Variants in ACAD10 observed in about 807,000 individuals in gnomAD.
The protein encoded by ACAD10 is acyl-CoA dehydrogenase family member 10, also known as ACAD-10.
ACAD10 carries 112 observed loss-of-function variants against 116.8 expected under a neutral mutation model. That is an observed-to-expected ratio of 0.96 (90% CI 0.82 to 1.12). ACAD10 has a LOEUF of 1.12. Among genes scored for constraint, ACAD10 ranks in the 50% most tolerant of loss-of-function variants. The pLI is 0.00. For synonymous variants in ACAD10, 486 were observed against 510.6 expected (o/e 0.95, Z 0.65); for missense variants, 1,259 against 1,350.2 (o/e 0.93, Z 1.06).
chr12:111,748,740 C>T, intron 17 of ACAD10: 1 of 563,698 alleles, frequency 1.8e-6, no homozygotes, highest in Non-Finnish European at 3.1e-6. Context: ...CCATACAGGG[C>T]AGACGCAGGA....
intron 8 of ACAD10, among the ~76,000 whole-genome samples, chr12:111,725,350 C>T (rs1400130112): frequency 2.0e-5 from 3 of 151,892 alleles, no homozygotes; most frequent in Admixed American, 6.6e-5. Context: ...TCTACAAAAA[C>T]AAACAAAAAA....
chr12:111,699,470 G>T (rs538707600), intron 2 of ACAD10, among the ~76,000 whole-genome samples: 43 of 152,160 alleles, frequency 2.8e-4, no homozygotes, highest in African/African-American at 1.0e-3. Flanking sequence ...GCCCGTGTGT[G>T]TTGGGGGTGG....
At chr12:111,714,648 G>A (rs1339896716) in intron 6 of ACAD10, among the ~76,000 whole-genome samples, 1 of 151,878 alleles carries the variant, frequency 6.6e-6, no homozygotes, top group African/African-American at 2.4e-5. Context: ...GACGACAGAG[G>A]GAGAGTCCAT....
intron 8 of ACAD10, among the ~76,000 whole-genome samples, chr12:111,724,893 G>A (rs1889169740): frequency 6.6e-6 from 1 of 151,616 alleles, no homozygotes; most frequent in African/African-American, 2.4e-5. Flanking sequence ...GAAAGAGAGG[G>A]AGAGGGAGAC....
chr12:111,688,841 C>T (rs1183690327), intron 1 of ACAD10, among the ~76,000 whole-genome samples: 2 of 151,820 alleles, frequency 1.3e-5, no homozygotes. Flanking sequence ...AAGTGCAGCT[C>T]GCTGCCAGCA....
intron 18 of ACAD10, 101 bp downstream of exon 18, chr12:111,749,446 A>G: frequency 7.2e-7 from 1 of 1,397,278 alleles, no homozygotes; most frequent in Non-Finnish European, 9.5e-7. Flanking sequence ...CAGTCCTAGC[A>G]GGTGAAGCAA....
chr12:111,745,102 C>T, intron 13 of ACAD10, 59 bp downstream of exon 13: 1 of 1,535,860 alleles, frequency 6.5e-7, no homozygotes, highest in Non-Finnish European at 8.7e-7. Context: ...CTCCCCGACC[C>T]CACCGGGCTC....
At chr12:111,740,657 T>G (rs756355661) in intron 12 of ACAD10, among the ~76,000 whole-genome samples, 8 of 149,900 alleles carry the variant, frequency 5.3e-5, no homozygotes, top group Non-Finnish European at 1.2e-4. Context: ...ACTAGGTGTC[T>G]GTAATCCCAG....
At chr12:111,711,968 G>A (rs562755242) in intron 5 of ACAD10, among the ~76,000 whole-genome samples, 1 of 152,176 alleles carries the variant, frequency 6.6e-6, no homozygotes, top group Non-Finnish European at 1.5e-5. Flanking sequence ...TTATTTGAAG[G>A]TGTTTTTATT....
At chr12:111,706,910 A>G (rs1888527607) in intron 4 of ACAD10, among the ~76,000 whole-genome samples, 2 of 148,380 alleles carry the variant, frequency 1.3e-5, no homozygotes, top group African/African-American at 2.5e-5. Context: ...AGTAGCTGTG[A>G]TTACAGGCAT....
In ACAD10 at chr12:111,697,584, C is replaced by CTT. The variant is rs762619644; in HGVS notation, c.188-4561_188-4560dup. Among the ~76,000 whole-genome samples the CTT allele has an allele frequency of 1.6e-3, 197 of 120,514 alleles. 8 individuals carry two copies. Among genetic ancestry groups the CTT allele is most frequent in the East Asian group, 3.8e-3 (15 of 3,986 alleles). The allele number at this position is 120,514 out of a possible 152,430, so 79.1% of individuals were successfully genotyped here. The stretch of plus-strand genomic sequence containing the variant: ...CCATGTTGACCAGGTTGGTCTCTCT[C>CTT]TTTTTTTTTTTTTTTTTTGAGACAG... On this transcript the variant is annotated intron_variant, in intron 2 of 20. Coordinates refer to ENST00000313698, the MANE Select transcript of ACAD10 (RefSeq NM_025247.6).
chr12:111,713,071 A>AG (rs1440559924), intron 6 of ACAD10, among the ~76,000 whole-genome samples: 1 of 152,006 alleles, frequency 6.6e-6, no homozygotes, highest in Non-Finnish European at 1.5e-5. Flanking sequence ...CCAGCACTTT[A>AG]GGAGGCCAAG....
intron 11 of ACAD10, among the ~76,000 whole-genome samples, chr12:111,734,511 C>G (rs1889492423): frequency 6.6e-6 from 1 of 152,150 alleles, no homozygotes; most frequent in Non-Finnish European, 1.5e-5. Context: ...GTAACCCCAG[C>G]TACTCGGGAG....
At chr12:111,686,596 G>A (rs1335617876) in intron 1 of ACAD10, among the ~76,000 whole-genome samples, 3 of 152,210 alleles carry the variant, frequency 2.0e-5, no homozygotes, top group Admixed American at 6.5e-5. Flanking sequence ...CGCGTCTGTA[G>A]TCCAAGCTAC....
rs749480203 is a variant in ACAD10 at position 111,728,069 on chromosome 12, C to G, written c.1169C>G (p.Ala390Gly). The G allele has an allele frequency of 2.7e-5, 43 of 1,614,018 alleles. No individual in the cohort carries two copies. The highest frequency in any genetic ancestry group is 1.7e-5 in the Non-Finnish European group (20 of 1,180,024). ...EPSHRRAIYT[A>G]MNTVLCKIHS... ...AGCCACAGACGAGCCATATACACTG[C>G]CATGAACACAGTCCTGTGCAAAATT... The change falls in exon 9 of 21, where the codon GCC (alanine) becomes GGC (glycine). Residue 390 changes from alanine (A) to glycine (G), a missense_variant. Transcript: ENST00000313698.
Position 111,756,354 on chromosome 12 carries a change from A to G in ACAD10, c.3061A>G (p.Ser1021Gly). The G allele has an allele frequency of 6.2e-7, 1 of 1,608,842 alleles. No individual in the cohort carries two copies. ...CCAGGCCTTTGGAGCAGCAGGCCTG[A>G]GCAGCGACTACCCACTGGCTCAGTT... ...AIQAFGAAGL[S>G]SDYPLAQFFT... Residue 1021 changes from serine (S) to glycine (G), a missense_variant, in exon 21 of 21, where the codon AGC (serine) becomes GGC (glycine). Physicochemically the swap from Ser to Gly is moderately conservative, Grantham distance 56. Coordinates refer to ENST00000313698, the MANE Select transcript of ACAD10 (RefSeq NM_025247.6).
At chr12:111,717,981 A>T (rs1888891731) in intron 7 of ACAD10, among the ~76,000 whole-genome samples, 1 of 137,156 alleles carries the variant, frequency 7.3e-6, no homozygotes, top group Admixed American at 7.4e-5. Context: ...TGAATTTATG[A>T]TTTATAATAT....
rs145027535 is a variant in ACAD10, at chr12:111,729,933, C to T, written c.1371C>T (p.Thr457=). ...LPLHLPRQQR[T]TVVHGDFRLD... is the part of the protein sequence containing the mutation. ...TCCATCTTCCCCGTCAGCAGAGGAC[C>T]ACAGTGGTGCACGGGGACTTCAGGT... The change falls in exon 10 of 21, where the codon ACC becomes ACT. Residue 457 remains threonine, a synonymous_variant. Coordinates refer to ENST00000313698, the MANE Select transcript of ACAD10 (RefSeq NM_025247.6). 1 of 1,614,056 alleles carries T rather than the reference C, an allele frequency of 6.2e-7. No individual in the cohort carries two copies. Among genetic ancestry groups the T allele is most frequent in the Non-Finnish European group, 8.5e-7 (1 of 1,179,982 alleles).
chr12:111,720,806 T>C (rs1345001243), intron 7 of ACAD10, among the ~76,000 whole-genome samples: 1 of 151,896 alleles, frequency 6.6e-6, no homozygotes, highest in Non-Finnish European at 1.5e-5. Flanking sequence ...TTTTTTGAGA[T>C]GGAGTCTCGC....
Sources: gnomAD v4.1 joint callset for allele counts (sites outside exome capture counted in the v4.1 genomes callset) on GRCh38, gnomAD v4.1.1 for gene constraint, MANE v1.5 for transcripts, NCBI Gene and HGNC (gene_info 2026-07-23, HGNC 2026-07-21) for gene names.